GABPB1: variants seen among roughly 807,000 people sequenced by gnomAD.
GABPB1 encodes GA-binding protein subunit beta-1.
GABPB1 carries 15 observed loss-of-function variants against 45.9 expected under a neutral mutation model. That is an observed-to-expected ratio of 0.33 (90% CI 0.22 to 0.50). The LOEUF (loss-of-function observed/expected upper bound fraction) is 0.50. GABPB1 is among the 20% of genes least tolerant of loss of function. The pLI is 0.98. For missense variants in GABPB1, 252 were observed against 457.5 expected (o/e 0.55, Z 4.10); for synonymous variants, 143 against 154.4 (o/e 0.93, Z 0.55).
At chr15:50,288,934 TC>T (rs2046254382) in intron 7 of GABPB1, among the ~76,000 whole-genome samples, 1 of 152,030 alleles carries the variant, frequency 6.6e-6, no homozygotes, top group African/African-American at 2.4e-5. Flanking sequence ...CTAGCAATTC[TC>T]CCACTCCAGG....
chr15:50,310,841 G>C (rs988096598), intron 1 of GABPB1, among the ~76,000 whole-genome samples: 2 of 151,940 alleles, frequency 1.3e-5, no homozygotes, highest in African/African-American at 2.4e-5. Context: ...GCTGGGCATG[G>C]GGGCTCACAC....
chr15:50,312,333 C>T (rs78254716), intron 1 of GABPB1, among the ~76,000 whole-genome samples: 8,609 of 152,204 alleles, frequency 0.057, 782 homozygotes, highest in African/African-American at 0.2. Context: ...CTGTGACACT[C>T]GCAACATTTT....
intron 1 of GABPB1, among the ~76,000 whole-genome samples, chr15:50,330,877 A>G (rs1595818955): frequency 2.0e-5 from 3 of 152,234 alleles, no homozygotes; most frequent in African/African-American, 4.8e-5. Context: ...TAGTAGTAGT[A>G]GTGGTGGTTG....
At chr15:50,307,374 C>T (rs2046984497) in intron 2 of GABPB1, among the ~76,000 whole-genome samples, 1 of 152,154 alleles carries the variant, frequency 6.6e-6, no homozygotes, top group Non-Finnish European at 1.5e-5. Flanking sequence ...TCCAGTCAGT[C>T]TTCTATTGCC....
At chr15:50,354,146 G>A (rs569330542) in intron 1 of GABPB1, 192 of 311,546 alleles carry the variant, frequency 6.2e-4, no homozygotes, top group African/African-American at 4.3e-3. Context: ...CACTTGGAGA[G>A]CTTCACCGAA....
chr15:50,292,032 CAAGTT>C (rs949149419), intron 6 of GABPB1, among the ~76,000 whole-genome samples: 4 of 151,390 alleles, frequency 2.6e-5, no homozygotes, highest in Admixed American at 1.3e-4. Flanking sequence ...TAAAAAATGA[CAAGTT>C]AAGATAAATC....
At chr15:50,309,223 G>A (rs948682883) in intron 2 of GABPB1, among the ~76,000 whole-genome samples, 2 of 151,968 alleles carry the variant, frequency 1.3e-5, no homozygotes, top group South Asian at 2.1e-4. Context: ...TCTTTCCATA[G>A]TTGTCAAGAT....
intron 1 of GABPB1, among the ~76,000 whole-genome samples, chr15:50,335,287 G>A (rs186246950): frequency 5.6e-4 from 86 of 152,292 alleles, no homozygotes; most frequent in Admixed American, 3.1e-3. Context: ...CCTCTCAGCT[G>A]TAGATATATG....
chr15:50,292,315 A>C (rs1008108317), intron 6 of GABPB1, among the ~76,000 whole-genome samples: 34 of 101,410 alleles, frequency 3.4e-4, no homozygotes, highest in Non-Finnish European at 5.0e-4. Context: ...ACTCCATCTC[A>C]AAAAAAAAAA....
intron 2 of GABPB1, among the ~76,000 whole-genome samples, chr15:50,309,159 T>C (rs1158929625): frequency 6.6e-6 from 1 of 152,146 alleles, no homozygotes; most frequent in Non-Finnish European, 1.5e-5. Flanking sequence ...AATACTTTTT[T>C]ATTTGCCCCC....
intron 1 of GABPB1, among the ~76,000 whole-genome samples, chr15:50,313,788 T>C (rs2047213077): frequency 6.6e-6 from 1 of 152,144 alleles, no homozygotes; most frequent in South Asian, 2.1e-4. Context: ...TAGGATGGTA[T>C]GATTATGGGA....
intron 1 of GABPB1, 23 bp from the exon 2 acceptor site, chr15:50,309,821 G>A: frequency 7.3e-7 from 1 of 1,378,434 alleles, no homozygotes; most frequent in South Asian, 1.2e-5. Context: ...TAGATGAACT[G>A]AACATCAAAA....
chr15:50,325,472 C>A (rs894092430), intron 1 of GABPB1, among the ~76,000 whole-genome samples: 2 of 151,966 alleles, frequency 1.3e-5, no homozygotes, highest in African/African-American at 4.8e-5. Flanking sequence ...TCATCATCAT[C>A]TGTGGTTCAC....
chr15:50,341,762 T>C (rs917310851), intron 1 of GABPB1, among the ~76,000 whole-genome samples: 5 of 152,224 alleles, frequency 3.3e-5, no homozygotes, highest in Admixed American at 2.0e-4. Flanking sequence ...TAGGGCACAA[T>C]TGAGGAAACA....
intron 3 of GABPB1, 139 bp from the exon 4 acceptor site, chr15:50,303,262 T>C: frequency 2.8e-6 from 2 of 713,506 alleles, no homozygotes. Flanking sequence ...TAAATAGATG[T>C]TCCAGGCCAG....
chr15:50,339,099 C>T (rs1318827536), intron 1 of GABPB1, among the ~76,000 whole-genome samples: 1 of 152,122 alleles, frequency 6.6e-6, no homozygotes, highest in Non-Finnish European at 1.5e-5. Context: ...GTGACCCTGA[C>T]CTCAGGGTCA....
intron 1 of GABPB1, among the ~76,000 whole-genome samples, chr15:50,322,858 C>T (rs912243794): frequency 6.6e-6 from 1 of 151,706 alleles, no homozygotes; most frequent in Non-Finnish European, 1.5e-5. Flanking sequence ...AAAACCTGGT[C>T]TCTACAAAAA....
chr15:50,289,734 T>C (rs1290297887), intron 6 of GABPB1, 66 bp from the exon 7 acceptor site: 1 of 1,277,002 alleles, frequency 7.8e-7, no homozygotes, highest in Non-Finnish European at 1.1e-6. Flanking sequence ...CTATTTTTGC[T>C]TTGTCTGCTA....
At chr15:50,350,042 TTTATA>T (rs1456414998) in intron 1 of GABPB1, 1 of 152,168 alleles carries the variant, frequency 6.6e-6, no homozygotes. Context: ...CTTTCATGTC[TTTATA>T]TTATTCTATC....
Sources: allele counts gnomAD v4.1 joint callset (sites outside exome capture counted in the v4.1 genomes callset), GRCh38; gene constraint gnomAD v4.1.1; transcripts MANE v1.5; gene names NCBI Gene and HGNC (gene_info 2026-07-23, HGNC 2026-07-21).